The following NECAB3 variants were observed in gnomAD, a reference collection of about 807,000 sequenced individuals.
The protein encoded by NECAB3 is N-terminal EF-hand calcium-binding protein 3.
NECAB3 carries 38 observed loss-of-function variants against 57.2 expected under a neutral mutation model. The observed-to-expected ratio is 0.66, with a 90% CI of 0.51 to 0.87. NECAB3 has a LOEUF of 0.87. Among genes scored for constraint, NECAB3 ranks in the 40% least tolerant of loss-of-function variants. The pLI, the probability that NECAB3 is intolerant of heterozygous loss-of-function variation, is 0.00. For synonymous variants in NECAB3, 223 were observed against 222.6 expected, an observed-to-expected ratio of 1.00 and a Z score of -0.02; for missense variants, 474 against 527.5, an observed-to-expected ratio of 0.90 and a Z score of 0.99.
chr20:33,659,153 G>GC (rs1460007328), intron 8 of NECAB3, among the ~76,000 whole-genome samples: 1 of 152,042 alleles, frequency 6.6e-6, no homozygotes, highest in Non-Finnish European at 1.5e-5. Flanking sequence ...CCGCCAACCT[G>GC]CCCCCCAGCC....
At position 33,669,472 on chromosome 20, in the gene NECAB3, T is replaced by A. The variant is rs751980625; in HGVS notation, c.290A>T (p.Asp97Val). 3 of 1,613,592 alleles carry A rather than the reference T, an allele frequency of 1.9e-6. No individual in the cohort carries two copies. The East Asian group carries it at 6.7e-5, about 36-fold the overall frequency. ...GACACCCAGGTGCTCTGAGAAGTAG[T>A]CTGCAGGCAGAAGAGGTGCTCAAGG... ...TDNLETEKLC[D>V]YFSEHLGVYR... Residue 97 changes from aspartate (D) to valine (V), a missense_variant and splice_region_variant, in exon 5 of 12, where the codon GAC becomes GTC. Asp to Val is a radical substitution (Grantham distance 152). Coordinates refer to ENST00000246190, the MANE Select transcript of NECAB3 (RefSeq NM_031232.4).
At chr20:33,662,062 T>C (rs1282417408) in intron 5 of NECAB3, 6 of 324,372 alleles carry the variant, frequency 1.8e-5, no homozygotes, top group Non-Finnish European at 2.9e-5. Flanking sequence ...AGCAAGTTAG[T>C]AGCAGGGCCA....
intron 5 of NECAB3, chr20:33,668,231 A>G (rs1485204405): frequency 1.1e-5 from 17 of 1,581,828 alleles, no homozygotes; most frequent in Non-Finnish European, 1.4e-5. Context: ...GATGTGTTCA[A>G]CTGAGTCAGG....
At position 33,657,681 on chromosome 20, in the gene NECAB3, A is replaced by T; in HGVS notation, c.*148T>A. ...ATAATAAATAGAAAGCAAGCAGCCC[A>T]GTCCCTGATCCCTGGGCTGAGAGCC... is the stretch of plus-strand genomic sequence containing the variant. On this transcript the variant is annotated 3_prime_UTR_variant, in exon 12 of 12. Coordinates refer to ENST00000246190, the MANE Select transcript of NECAB3 (RefSeq NM_031232.4). 1 of 708,262 alleles carries T rather than the reference A, an allele frequency of 1.4e-6. No homozygotes were observed. Among genetic ancestry groups the T allele is most frequent in the Non-Finnish European group, 2.3e-6 (1 of 441,316 alleles). The allele number at this position is 708,262 out of a possible 1,614,324, so 43.9% of individuals were successfully genotyped here.
chr20:33,659,844 T>G, intron 7 of NECAB3, 41 bp downstream of exon 7: 1 of 1,537,002 alleles, frequency 6.5e-7, no homozygotes, highest in Non-Finnish European at 8.7e-7. Flanking sequence ...GGGGATGCGG[T>G]GCCTGCCTCG....
At chr20:33,675,097 G>A (rs1206042736), upstream of NECAB3, among the ~76,000 whole-genome samples, 2 of 151,592 alleles carry the variant, frequency 1.3e-5, no homozygotes, top group Admixed American at 1.3e-4. Context: ...CTTTCTCTCC[G>A]GTCCTCTATC....
intron 5 of NECAB3, chr20:33,663,761 C>G (rs918334022): frequency 6.9e-7 from 1 of 1,454,860 alleles, no homozygotes; most frequent in African/African-American, 1.5e-5. Flanking sequence ...CTGAGCTGGC[C>G]GCGGCTGCTC....
At chr20:33,658,094 G>A in intron 10 of NECAB3, 61 bp from the exon 11 acceptor site, 1 of 1,453,608 alleles carries the variant, frequency 6.9e-7, no homozygotes, top group African/African-American at 1.4e-5. Context: ...CCTGCTGCCA[G>A]GATCAGACCC....
chr20:33,657,943 T>C lies in NECAB3; in HGVS notation c.1161A>G (p.Pro387=). Residue 387 remains proline (P), a splice_region_variant and synonymous_variant, in exon 11 of 12, where the codon CCA becomes CCG. Coordinates refer to ENST00000246190, the MANE Select transcript of NECAB3 (RefSeq NM_031232.4). ...AGTGAGTGGGGGTCCACCGCATACCTGGGAAGAACACAGTGGTGAGGGTGT... is the reference window on the plus strand; with the variant it reads ...AGTGAGTGGGGGTCCACCGCATACCCGGGAAGAACACAGTGGTGAGGGTGT... The part of the protein sequence containing the change: ...APDTLTTVFF[P]ASWWIMNNN The C allele has an allele frequency of 6.4e-7, 1 of 1,555,704 alleles. No homozygotes were observed. Among genetic ancestry groups the C allele is most frequent in the East Asian group, 2.4e-5 (1 of 41,094 alleles).
chr20:33,670,844 C>T (rs1379953520), intron 2 of NECAB3, 52 bp from the exon 3 acceptor site: 1 of 1,356,108 alleles, frequency 7.4e-7, no homozygotes, highest in Admixed American at 1.8e-5. Flanking sequence ...CTGACCCTGA[C>T]TGCACCCCTG....
In NECAB3 at chr20:33,659,643, C is replaced by T. The variant is rs1256057297; in HGVS notation, c.733G>A (p.Val245Met). 8 of 1,610,540 alleles carry T rather than the reference C, an allele frequency of 5.0e-6. No individual in the cohort carries two copies. Among genetic ancestry groups the T allele is most frequent in the Admixed American group, 1.7e-5 (1 of 59,908 alleles). The change falls in exon 8 of 12, where the codon GTG (valine) becomes ATG (methionine). Residue 245 changes from valine (V) to methionine (M), a missense_variant. Physicochemically the swap from Val to Met is conservative, Grantham distance 21. Transcript: ENST00000246190. ...CCTCCCTTGTGGGGCCCTGGCCCCA[C>T]GGCCCTCACCTTGCACTCGAGCTGG... is the stretch of plus-strand genomic sequence containing the variant. ...IDQLECKVRAVGPGPHKGGPS... is the reference protein window; with the variant it reads ...IDQLECKVRAMGPGPHKGGPS...
At chr20:33,662,306 G>A (rs776819681) in intron 5 of NECAB3, 150 of 1,548,524 alleles carry the variant, frequency 9.7e-5, no homozygotes, top group Middle Eastern at 1.7e-4. Context: ...CAGAGCAGAC[G>A]GAGTGTGGGC....
At chr20:33,662,415 A>G in intron 5 of NECAB3, 3 of 1,551,736 alleles carry the variant, frequency 1.9e-6, no homozygotes, top group South Asian at 1.2e-5. Flanking sequence ...GCCGGCTGAC[A>G]TGGACAAGGC....
intron 5 of NECAB3, chr20:33,668,266 G>A (rs756880978): frequency 3.6e-5 from 56 of 1,551,836 alleles, no homozygotes; most frequent in East Asian, 2.3e-4. Flanking sequence ...GTGGCACTGC[G>A]TTGGGGGACA....
In NECAB3 at chr20:33,657,770, A is replaced by C. The variant is rs138438360; in HGVS notation, c.*59T>G. ...GTCTTTGCGCTGGGCTGGCCAGTCCAGAAGGCTCCAGAGGGAGGCAGGCAG... is the reference window on the plus strand; with the variant it reads ...GTCTTTGCGCTGGGCTGGCCAGTCCCGAAGGCTCCAGAGGGAGGCAGGCAG... On this transcript the variant is annotated 3_prime_UTR_variant, in exon 12 of 12. Coordinates refer to ENST00000246190, the MANE Select transcript of NECAB3 (RefSeq NM_031232.4). 1,505 of 1,481,524 alleles carry C rather than the reference A, an allele frequency of 1.0e-3. 9 individuals carry two copies. The African/African-American group carries it at 0.018, about 18-fold the overall frequency. The allele number at this position is 1,481,524 out of a possible 1,614,324, so 91.8% of individuals were successfully genotyped here. A position where few individuals can be genotyped will look rare whatever the true frequency, so the allele number is the denominator to read the frequency against.
chr20:33,669,875 G>C (rs2017791110), intron 3 of NECAB3, among the ~76,000 whole-genome samples, 163 bp from the exon 4 acceptor site: 1 of 152,200 alleles, frequency 6.6e-6, no homozygotes, highest in African/African-American at 2.4e-5. Flanking sequence ...GTCCTTGCAG[G>C]GTTGGAGAAT....
At chr20:33,661,868 C>T (rs1391343323) in intron 5 of NECAB3, among the ~76,000 whole-genome samples, 6 of 152,198 alleles carry the variant, frequency 3.9e-5, no homozygotes, top group Admixed American at 3.3e-4. Flanking sequence ...CCAGGCTGGA[C>T]TCGAACTCCT....
In NECAB3 at chr20:33,657,865, T is replaced by G; in HGVS notation, c.1163-8A>C. ...TCATTATCCACCAGGAGGCTGGGGG[T>G]CAGAGGCAGGGGGTCAGGAGCCCTC... is the stretch of plus-strand genomic sequence containing the variant. On this transcript the variant is annotated splice_polypyrimidine_tract_variant and splice_region_variant and intron_variant, in intron 11 of 11. Coordinates refer to ENST00000246190, the MANE Select transcript of NECAB3 (RefSeq NM_031232.4). 6.5e-7 allele frequency: 1 copy of G among 1,542,818 alleles called. No individual in the cohort carries two copies. The highest frequency in any genetic ancestry group is 8.8e-7 in the Non-Finnish European group (1 of 1,141,838).
intron 5 of NECAB3, among the ~76,000 whole-genome samples, chr20:33,668,686 T>G (rs770336021): frequency 2.0e-5 from 3 of 152,238 alleles, no homozygotes; most frequent in Non-Finnish European, 4.4e-5. Flanking sequence ...CATTGTTGAC[T>G]ATGAGTGCCT....
Sources: allele counts gnomAD v4.1 joint callset (sites outside exome capture counted in the v4.1 genomes callset), GRCh38; gene constraint gnomAD v4.1.1; transcripts MANE v1.5; gene names NCBI Gene and HGNC (gene_info 2026-07-23, HGNC 2026-07-21).